Variants in CYP4Z1 observed in about 807,000 individuals in gnomAD.
CYP4Z1 encodes the protein cytochrome P450 family 4 subfamily Z member 1, also known as cytochrome P450 4Z1.
CYP4Z1 carries 41 observed loss-of-function variants against 54.2 expected under a neutral mutation model. The ratio of observed to expected loss-of-function variants is 0.76; its 90% confidence interval spans 0.59 to 0.98. The LOEUF (loss-of-function observed/expected upper bound fraction) is 0.98. Among genes scored for constraint, CYP4Z1 ranks in the 50% least tolerant of loss-of-function variants. The pLI, the probability that CYP4Z1 is intolerant of heterozygous loss-of-function variation, is 0.00. For missense variants in CYP4Z1, 513 were observed against 599.0 expected, an observed-to-expected ratio of 0.86 and a Z score of 1.50; for synonymous variants, 163 against 206.2, an observed-to-expected ratio of 0.79 and a Z score of 1.79.
chr1:47,064,297 T>C (rs1045438793), upstream of CYP4Z1, among the ~76,000 whole-genome samples: 1 of 151,982 alleles, frequency 6.6e-6, no homozygotes, highest in Non-Finnish European at 1.5e-5. Context: ...TTGGCCAGGA[T>C]GGTCTCGATC....
At chr1:47,116,116 T>C (rs1194451940) in intron 10 of CYP4Z1, among the ~76,000 whole-genome samples, 2 of 152,068 alleles carry the variant, frequency 1.3e-5, no homozygotes, top group Non-Finnish European at 2.9e-5. Flanking sequence ...AAACCAGCGC[T>C]CAGACCAACC....
At chr1:47,108,516 A>G in intron 9 of CYP4Z1, among the ~76,000 whole-genome samples, 1 of 152,030 alleles carries the variant, frequency 6.6e-6, no homozygotes, top group Non-Finnish European at 1.5e-5. Flanking sequence ...ATTTCTAAAA[A>G]GAAACATGTT....
upstream of CYP4Z1, among the ~76,000 whole-genome samples, chr1:47,066,532 A>G (rs1418856961): frequency 6.6e-6 from 1 of 152,178 alleles, no homozygotes; most frequent in African/African-American, 2.4e-5. Context: ...AAGCCACATA[A>G]CAATAAACCC....
At position 47,084,708 on chromosome 1, in the gene CYP4Z1, G is replaced by A. The variant is rs1307181285; in HGVS notation, c.581G>A (p.Cys194Tyr). Residue 194 changes from cysteine to tyrosine, a missense_variant, in exon 5 of 12, where the codon TGT (cysteine) becomes TAT (tyrosine). Transcript: ENST00000334194. Reference sequence around the variant, plus strand: ...ATGACCCTGGACAGCATCATGAAGTGTGCCTTCAGCCACCAGGGCAGCATC... The same window carrying A: ...ATGACCCTGGACAGCATCATGAAGTATGCCTTCAGCCACCAGGGCAGCATC... ...SLMTLDSIMK[C>Y]AFSHQGSIQL... 2 of 1,612,626 alleles carry A rather than the reference G, an allele frequency of 1.2e-6. No individual in the cohort carries two copies. Among genetic ancestry groups the A allele is most frequent in the Admixed American group, 3.3e-5 (2 of 59,840 alleles).
At chr1:47,109,873 CA>C (rs56098025) in intron 9 of CYP4Z1, among the ~76,000 whole-genome samples, 225 of 130,304 alleles carry the variant, frequency 1.7e-3, no homozygotes, top group Non-Finnish European at 2.0e-3. Context: ...TCTACATGGC[CA>C]AAAAAAAAAA....
In CYP4Z1 at chr1:47,100,621, C is replaced by T. The variant is rs7523898; in HGVS notation, c.1067+1337C>T. Among the ~76,000 whole-genome samples the T allele has an allele frequency of 8.2e-3, 1,246 of 152,240 alleles. 14 individuals are homozygous for T. The highest frequency in any genetic ancestry group is 0.028 in the African/African-American group (1,162 of 41,544). On this transcript the variant is annotated intron_variant, in intron 8 of 11. Coordinates refer to ENST00000334194, the MANE Select transcript of CYP4Z1 (RefSeq NM_178134.3). The stretch of plus-strand genomic sequence containing the variant: ...AAGTAACTCTTATTTTACTTAATAA[C>T]GGCCTCAAAGCACAAAAAGCATCTA...
rs1644701327 is a variant in CYP4Z1 at position 47,099,138 on chromosome 1, A to T, written c.921A>T (p.Glu307Asp). The change falls in exon 8 of 12, where the codon GAA becomes GAT. Residue 307 changes from glutamate (E) to aspartate (D), a missense_variant. Physicochemically the swap from Glu to Asp is conservative, Grantham distance 45 (BLOSUM62 2). Transcript: ENST00000334194. Reference sequence around the variant, plus strand: ...TCTCTGAAGCAGATCTCCAGGCTGAAGTGAAAACGTTCATGTTTGCAGGAC... The same window carrying T: ...TCTCTGAAGCAGATCTCCAGGCTGATGTGAAAACGTTCATGTTTGCAGGAC... ...KDFSEADLQA[E>D]VKTFMFAGHD... is the part of the protein sequence containing the mutation. 1 of 1,613,982 alleles carries T rather than the reference A, an allele frequency of 6.2e-7. No homozygotes were observed. The highest frequency in any genetic ancestry group is 1.1e-5 in the South Asian group (1 of 91,086).
At chr1:47,078,389 ACTTATATGT>A (rs1644540668) in intron 2 of CYP4Z1, among the ~76,000 whole-genome samples, 1 of 151,560 alleles carries the variant, frequency 6.6e-6, no homozygotes, top group South Asian at 2.1e-4. Flanking sequence ...TCTGTTTACA[ACTTATATGT>A]CTTTGTTAAT....
At position 47,106,203 on chromosome 1, in the gene CYP4Z1, C is replaced by A. The variant is rs1644756099; in HGVS notation, c.1143C>A (p.Asn381Lys). Reference sequence around the variant, plus strand: ...TCCGCCTCTACGCACCGGTAGTAAACATATCCCGGTTACTCGACAAACCCA... The same window carrying A: ...TCCGCCTCTACGCACCGGTAGTAAAAATATCCCGGTTACTCGACAAACCCA... ...ECLRLYAPVV[N>K]ISRLLDKPIT... Residue 381 changes from asparagine (N) to lysine (K), a missense_variant, in exon 9 of 12, where the codon AAC becomes AAA. By Grantham distance (94) the Asn-to-Lys change is moderately conservative. Coordinates refer to ENST00000334194, the MANE Select transcript of CYP4Z1 (RefSeq NM_178134.3). 1 of 1,613,692 alleles carries A rather than the reference C, an allele frequency of 6.2e-7. No homozygotes were observed. The highest frequency in any genetic ancestry group is 1.7e-5 in the Admixed American group (1 of 59,968).
chr1:47,087,342 C>T (rs551226065), intron 6 of CYP4Z1, among the ~76,000 whole-genome samples: 2,247 of 152,272 alleles, frequency 0.015, 47 homozygotes, highest in African/African-American at 0.051. Flanking sequence ...GAATGTTCTT[C>T]CATTTGTTTG....
upstream of CYP4Z1, among the ~76,000 whole-genome samples, chr1:47,062,368 C>T (rs1644428861): frequency 6.6e-6 from 1 of 152,206 alleles, no homozygotes; most frequent in African/African-American, 2.4e-5. Context: ...TGGATTACTG[C>T]TGCAGGCTCC....
In CYP4Z1 at chr1:47,068,662, T is replaced by C; in HGVS notation, c.218T>C (p.Met73Thr). ...GAGTTTGAGGTGTATCATAAGCTGA[T>C]GGAAAAATACCCATGTGCTGTTCCC... ...VKEFEVYHKL[M>T]EKYPCAVPLW... The change falls in exon 2 of 12, where the codon ATG becomes ACG. Residue 73 changes from methionine (M) to threonine (T), a missense_variant. Coordinates refer to ENST00000334194, the MANE Select transcript of CYP4Z1 (RefSeq NM_178134.3). 1 of 1,614,148 alleles carries C rather than the reference T, an allele frequency of 6.2e-7. No homozygotes were observed. The highest frequency in any genetic ancestry group is 1.1e-5 in the South Asian group (1 of 91,084).
chr1:47,115,481 C>G, intron 9 of CYP4Z1, 48 bp from the exon 10 acceptor site: 1 of 1,495,046 alleles, frequency 6.7e-7, no homozygotes, highest in Non-Finnish European at 9.1e-7. Flanking sequence ...AAAAAAAAGA[C>G]AGAATCTTCG....
chr1:47,101,055 T>C (rs1367474974), intron 8 of CYP4Z1, among the ~76,000 whole-genome samples: 2 of 152,254 alleles, frequency 1.3e-5, no homozygotes, highest in Non-Finnish European at 2.9e-5. Flanking sequence ...CAGTTGTTCA[T>C]AATAGTCTCT....
intron 8 of CYP4Z1, among the ~76,000 whole-genome samples, chr1:47,102,645 A>T (rs1043066300): frequency 1.3e-5 from 2 of 152,116 alleles, no homozygotes; most frequent in Non-Finnish European, 2.9e-5. Flanking sequence ...GTATCATCCC[A>T]TTCTCTCCTG....
At chr1:47,087,728 T>A (rs1351661019) in intron 6 of CYP4Z1, among the ~76,000 whole-genome samples, 1 of 152,214 alleles carries the variant, frequency 6.6e-6, no homozygotes, top group Non-Finnish European at 1.5e-5. Flanking sequence ...CTTCCAACAC[T>A]ACATTGAATA....
At chr1:47,093,771 G>T (rs531427311) in intron 6 of CYP4Z1, among the ~76,000 whole-genome samples, 60 of 152,340 alleles carry the variant, frequency 3.9e-4, no homozygotes, top group African/African-American at 1.2e-3. Flanking sequence ...CACAGAAGTA[G>T]CTTAGAGCCT....
chr1:47,103,185 C>CT (rs146913944), intron 8 of CYP4Z1, among the ~76,000 whole-genome samples: 2,213 of 146,682 alleles, frequency 0.015, 41 homozygotes, highest in African/African-American at 0.041. Flanking sequence ...TGTTCAGTTC[C>CT]TTTTTTTTTT....
At chr1:47,073,623 T>C in intron 2 of CYP4Z1, among the ~76,000 whole-genome samples, 1 of 152,328 alleles carries the variant, frequency 6.6e-6, no homozygotes, top group East Asian at 1.9e-4. Flanking sequence ...ATTACAGGCA[T>C]GAGCCAACGC....
Sources: gnomAD v4.1 joint callset for allele counts (sites outside exome capture counted in the v4.1 genomes callset) on GRCh38, gnomAD v4.1.1 for gene constraint, MANE v1.5 for transcripts, NCBI Gene and HGNC (gene_info 2026-07-23, HGNC 2026-07-21) for gene names.